The following NALF1 variants were observed in gnomAD, a reference collection of about 807,000 sequenced individuals.
The protein encoded by NALF1 is NALCN channel auxiliary factor 1.
A neutral mutation model predicts 48.4 loss-of-function variants in NALF1; 3 were observed. The ratio of observed to expected loss-of-function variants is 0.06; its 90% CI spans 0.03 to 0.16. The LOEUF (loss-of-function observed/expected upper bound fraction) is 0.16. NALF1 is among the 10% of genes least tolerant of loss of function. The probability of loss-of-function intolerance (pLI) is 1.00; values close to 1 mark genes in which losing one functional copy is unlikely to be tolerated. For synonymous variants in NALF1, 262 were observed against 245.7 expected (o/e 1.07, Z -0.62); for missense variants, 526 against 571.5 (o/e 0.92, Z 0.81).
At chr13:107,205,643 G>A (rs182325504) in intron 2 of NALF1, among the ~76,000 whole-genome samples, 1 of 152,256 alleles carries the variant, frequency 6.6e-6, no homozygotes, top group Non-Finnish European at 1.5e-5. Context: ...ATGGAATGCA[G>A]AATTTACATA....
intron 1 of NALF1, among the ~76,000 whole-genome samples, chr13:107,637,354 T>C (rs1463018896): frequency 6.6e-6 from 1 of 152,072 alleles, no homozygotes; most frequent in Non-Finnish European, 1.5e-5. Context: ...TTTATTATAT[T>C]TCTCCTATAC....
intron 1 of NALF1, among the ~76,000 whole-genome samples, chr13:107,770,203 G>A (rs1210629740): frequency 1.3e-5 from 2 of 152,124 alleles, no homozygotes; most frequent in Admixed American, 6.5e-5. Context: ...GTGAGCCACC[G>A]CGCCGGGCCC....
chr13:107,179,304 T>C (rs976040604), intron 2 of NALF1, among the ~76,000 whole-genome samples: 12 of 152,090 alleles, frequency 7.9e-5, no homozygotes, highest in African/African-American at 2.7e-4. Context: ...TTGTGAGACC[T>C]AAAAAATTAA....
chr13:107,688,487 A>G (rs750856704), intron 1 of NALF1, among the ~76,000 whole-genome samples: 1 of 152,230 alleles, frequency 6.6e-6, no homozygotes, highest in Non-Finnish European at 1.5e-5. Flanking sequence ...AGAAAAATAT[A>G]TAACTATGTT....
intron 1 of NALF1, among the ~76,000 whole-genome samples, chr13:107,619,668 A>G (rs1879471508): frequency 6.6e-6 from 1 of 152,230 alleles, no homozygotes; most frequent in Admixed American, 6.5e-5. Flanking sequence ...GAGCAGAATC[A>G]CAGACTATTC....
intron 1 of NALF1, among the ~76,000 whole-genome samples, chr13:107,367,611 G>A (rs1316165478): frequency 1.3e-5 from 2 of 152,206 alleles, no homozygotes; most frequent in Non-Finnish European, 2.9e-5. Flanking sequence ...CGGGAGCCTC[G>A]TGGGCCTCTA....
At chr13:107,639,384 T>C (rs558321073) in intron 1 of NALF1, among the ~76,000 whole-genome samples, 1 of 152,270 alleles carries the variant, frequency 6.6e-6, no homozygotes, top group East Asian at 1.9e-4. Context: ...AAAAACACGA[T>C]AGTTCTGTAG....
chr13:107,631,359 A>G (rs1879830190), intron 1 of NALF1, among the ~76,000 whole-genome samples: 1 of 152,172 alleles, frequency 6.6e-6, no homozygotes, highest in Non-Finnish European at 1.5e-5. Flanking sequence ...ATTATTTTAC[A>G]AATGAGGACC....
At position 107,297,678 on chromosome 13, in the gene NALF1, A is replaced by G. The variant is rs539112176; in HGVS notation, c.916-86923T>C. On this transcript the variant is annotated intron_variant, in intron 1 of 2. Coordinates refer to ENST00000375915, the MANE Select transcript of NALF1 (RefSeq NM_001080396.3). ...AAAGGAGGCCTAGCCCGATAGATAT[A>G]ATTCAAACTGAAGTTAAACCCACTT... 8.7e-4 allele frequency among the ~76,000 whole-genome samples: 132 copies of G among 152,360 alleles called. 1 individual carries two copies. The highest frequency in any genetic ancestry group is 3.0e-3 in the African/African-American group (124 of 41,594).
At chr13:107,389,620 C>G (rs1158093417) in intron 1 of NALF1, among the ~76,000 whole-genome samples, 1 of 152,106 alleles carries the variant, frequency 6.6e-6, no homozygotes, top group African/African-American at 2.4e-5. Context: ...CTGTAGCAAA[C>G]TTGCACAAAT....
At chr13:107,374,861 C>T (rs938728485) in intron 1 of NALF1, among the ~76,000 whole-genome samples, 1 of 152,124 alleles carries the variant, frequency 6.6e-6, no homozygotes, top group African/African-American at 2.4e-5. Context: ...AAGGCTCTGA[C>T]CAGATGTGGG....
At chr13:107,311,737 C>A (rs1328306803) in intron 1 of NALF1, among the ~76,000 whole-genome samples, 1 of 151,954 alleles carries the variant, frequency 6.6e-6, no homozygotes, top group Admixed American at 6.6e-5. Context: ...AAAAAACAAA[C>A]AACCCCATCA....
At chr13:107,678,326 T>C (rs1881186689) in intron 1 of NALF1, among the ~76,000 whole-genome samples, 1 of 152,056 alleles carries the variant, frequency 6.6e-6, no homozygotes, top group Non-Finnish European at 1.5e-5. Flanking sequence ...TGGGTAGGAA[T>C]CTCAAGGTTT....
At chr13:107,244,015 C>T (rs1484743978) in intron 1 of NALF1, among the ~76,000 whole-genome samples, 2 of 152,116 alleles carry the variant, frequency 1.3e-5, no homozygotes, top group African/African-American at 4.8e-5. Flanking sequence ...CAGAAATTTG[C>T]CTTTTGTAGT....
chr13:107,438,856 A>AT (rs1566342643), intron 1 of NALF1, among the ~76,000 whole-genome samples: 7 of 130,420 alleles, frequency 5.4e-5, no homozygotes, highest in Middle Eastern at 4.3e-3. Flanking sequence ...AAAAAAGAAT[A>AT]ATATAAAGGG....
chr13:107,472,850 T>C (rs551033225), intron 1 of NALF1, among the ~76,000 whole-genome samples: 4 of 152,284 alleles, frequency 2.6e-5, no homozygotes, highest in East Asian at 3.9e-4. Flanking sequence ...CAGGTCAATA[T>C]TCCTTAATAA....
intron 1 of NALF1, among the ~76,000 whole-genome samples, chr13:107,481,645 G>A (rs868550464): frequency 2.0e-5 from 3 of 152,104 alleles, no homozygotes; most frequent in Admixed American, 6.6e-5. Context: ...CTTTCTGCCC[G>A]AGAATCTCCT....
intron 1 of NALF1, among the ~76,000 whole-genome samples, chr13:107,367,939 G>C (rs1883180227): frequency 6.6e-6 from 1 of 152,150 alleles, no homozygotes; most frequent in South Asian, 2.1e-4. Flanking sequence ...TTTGATTTCA[G>C]TGCAAACATA....
At chr13:107,772,324 A>G (rs967869407) in intron 1 of NALF1, among the ~76,000 whole-genome samples, 1 of 152,290 alleles carries the variant, frequency 6.6e-6, no homozygotes, top group East Asian at 1.9e-4. Context: ...GGGTCTGGAT[A>G]GGGACCGCTT....
Sources: gnomAD v4.1 joint callset for allele counts (sites outside exome capture counted in the v4.1 genomes callset) on GRCh38, gnomAD v4.1.1 for gene constraint, MANE v1.5 for transcripts, NCBI Gene and HGNC (gene_info 2026-07-23, HGNC 2026-07-21) for gene names.